MYOF: variants seen among roughly 807,000 people sequenced by gnomAD.
MYOF encodes the protein fer-1-like 3, myoferlin.
MYOF carries 244 observed loss-of-function variants against 284.2 expected under a neutral mutation model. The observed-to-expected ratio is 0.86, with a 90% CI of 0.77 to 0.95. The LOEUF (loss-of-function observed/expected upper bound fraction) is 0.95, where lower values mean the gene tolerates loss of function less well. MYOF is among the 40% of genes least tolerant of loss of function. The pLI, the probability that MYOF is intolerant of heterozygous loss-of-function variation, is 0.00. For missense variants in MYOF, 2,496 were observed against 2,560.6 expected (o/e 0.97, Z 0.54); for synonymous variants, 904 against 919.7 (o/e 0.98, Z 0.31).
At chr10:93,448,351 C>G (rs1372148329) in intron 3 of MYOF, among the ~76,000 whole-genome samples, 4 of 152,152 alleles carry the variant, frequency 2.6e-5, no homozygotes, top group Non-Finnish European at 5.9e-5. Flanking sequence ...CTCCTTTCCC[C>G]CCACCCTTGA....
At chr10:93,391,616 CA>C (rs1372325713) in intron 17 of MYOF, among the ~76,000 whole-genome samples, 1 of 151,348 alleles carries the variant, frequency 6.6e-6, no homozygotes, top group East Asian at 1.9e-4. Flanking sequence ...AAGAAAGAAA[CA>C]AAAAAAGAAA....
intron 26 of MYOF, among the ~76,000 whole-genome samples, 166 bp downstream of exon 26, chr10:93,366,226 T>C (rs1432472321): frequency 1.3e-5 from 2 of 152,236 alleles, no homozygotes; most frequent in African/African-American, 2.4e-5. Context: ...TAGCCTGTCT[T>C]ATGGTGGAAC....
At chr10:93,440,411 G>GA (rs199533042) in intron 3 of MYOF, among the ~76,000 whole-genome samples, 3 of 11,210 alleles carry the variant, frequency 2.7e-4, no homozygotes, top group African/African-American at 3.4e-4. Flanking sequence ...ACTCCGTCTC[G>GA]AAAAAAAAAA....
intron 36 of MYOF, 80 bp from the exon 37 acceptor site, chr10:93,347,862 C>A (rs1844306064): frequency 2.9e-6 from 4 of 1,400,950 alleles, no homozygotes; most frequent in South Asian, 2.7e-5. Flanking sequence ...ATGGACCAGT[C>A]CAGATTCTCT....
At chr10:93,347,218 T>C (rs1377667634) in intron 37 of MYOF, among the ~76,000 whole-genome samples, 1 of 152,152 alleles carries the variant, frequency 6.6e-6, no homozygotes, top group Non-Finnish European at 1.5e-5. Flanking sequence ...AGGACTTACC[T>C]TGAGTAGGTT....
chr10:93,308,539 C>G (rs1323133949), intron 53 of MYOF, among the ~76,000 whole-genome samples: 1 of 136,856 alleles, frequency 7.3e-6, no homozygotes, highest in South Asian at 2.6e-4. Flanking sequence ...GAGCCGAGAT[C>G]GTGCCACTGT....
At chr10:93,461,354 C>T (rs2056877758) in intron 1 of MYOF, among the ~76,000 whole-genome samples, 2 of 152,162 alleles carry the variant, frequency 1.3e-5, no homozygotes, top group Admixed American at 6.5e-5. Flanking sequence ...GTAGGAGACA[C>T]AAAAATACCC....
At chr10:93,418,522 G>A (rs898440952) in intron 5 of MYOF, among the ~76,000 whole-genome samples, 2 of 152,302 alleles carry the variant, frequency 1.3e-5, no homozygotes, top group Non-Finnish European at 2.9e-5. Context: ...AACCTAAGAA[G>A]CAGGGATGCA....
intron 3 of MYOF, among the ~76,000 whole-genome samples, chr10:93,446,018 A>AT (rs955832449): frequency 4.6e-5 from 7 of 152,056 alleles, no homozygotes; most frequent in African/African-American, 1.7e-4. Context: ...TTAAAAAAAA[A>AT]AAGTTTGTTT....
intron 3 of MYOF, among the ~76,000 whole-genome samples, 187 bp downstream of exon 3, chr10:93,451,863 T>C (rs1050179099): frequency 1.3e-5 from 2 of 152,142 alleles, no homozygotes; most frequent in African/African-American, 4.8e-5. Context: ...AAAGCAGTCA[T>C]TGGGAAAAAG....
Position 93,355,664 on chromosome 10 carries a change from C to A in MYOF, c.3367G>T (p.Gly1123Ter), listed in dbSNP as rs748110965. The change falls in exon 31 of 54, where the codon GGA (glycine) becomes TGA (stop). Residue 1123 changes from glycine (G) to a stop codon, truncating the protein, a stop_gained. Transcript: ENST00000359263. LOFTEE classifies it high-confidence loss of function. ...KQKHSATTVF[G>*]ANTPIVSCNF... ...CAGGAAACAATGGGGGTGTTTGCTCCGAACACAGTGGTGGCACTGTGCTTC... is the reference window on the plus strand; with the variant it reads ...CAGGAAACAATGGGGGTGTTTGCTCAGAACACAGTGGTGGCACTGTGCTTC... 1.2e-6 allele frequency: 2 copies of A among 1,612,112 alleles called. No individual in the cohort carries two copies. The highest frequency in any genetic ancestry group is 1.7e-5 in the Admixed American group (1 of 59,994).
chr10:93,408,739 TC>T, intron 7 of MYOF, 47 bp downstream of exon 7: 1 of 1,611,416 alleles, frequency 6.2e-7, no homozygotes, highest in Non-Finnish European at 8.5e-7. Flanking sequence ...CGTGTTTCCC[TC>T]CCCAGTGGGA....
intron 51 of MYOF, 77 bp from the exon 52 acceptor site, chr10:93,310,720 C>A: frequency 7.6e-7 from 1 of 1,315,158 alleles, no homozygotes; most frequent in Non-Finnish European, 1.1e-6. Flanking sequence ...AGGAGTATTC[C>A]CCGAGCAATG....
At chr10:93,373,178 T>C (rs1049166587) in intron 23 of MYOF, 93 bp from the exon 24 acceptor site, 1 of 1,447,326 alleles carries the variant, frequency 6.9e-7, no homozygotes, top group African/African-American at 1.4e-5. Flanking sequence ...CCCTCAGGGA[T>C]TCATTTAGCA....
intron 19 of MYOF, among the ~76,000 whole-genome samples, chr10:93,382,895 AT>A (rs1314733337): frequency 5.3e-5 from 8 of 152,190 alleles, no homozygotes; most frequent in Middle Eastern, 3.4e-3. Flanking sequence ...CAGAAGTGGA[AT>A]TTTTAATTCT....
chr10:93,419,101 T>A (rs1848251376), intron 5 of MYOF, among the ~76,000 whole-genome samples: 1 of 152,160 alleles, frequency 6.6e-6, no homozygotes, highest in Admixed American at 6.5e-5. Context: ...TCAACACACT[T>A]CTGAATGAGC....
chr10:93,341,324 A>G (rs1843899868), intron 38 of MYOF, among the ~76,000 whole-genome samples: 1 of 151,208 alleles, frequency 6.6e-6, no homozygotes, highest in Non-Finnish European at 1.5e-5. Context: ...TGCTCAGGCT[A>G]GAGTGCAATG....
chr10:93,464,195 C>G (rs1251815429), intron 1 of MYOF, among the ~76,000 whole-genome samples: 1 of 152,170 alleles, frequency 6.6e-6, no homozygotes, highest in East Asian at 1.9e-4. Context: ...AACATAGAAA[C>G]CCTGCCTGAG....
At chr10:93,376,504 TAAAC>T (rs72378110) in intron 22 of MYOF, among the ~76,000 whole-genome samples, 16,731 of 152,078 alleles carry the variant, frequency 0.11, 1,761 homozygotes, top group African/African-American at 0.28. Context: ...ATTCAGAACT[TAAAC>T]AAGCACCCCA....
Sources: gnomAD v4.1 joint callset for allele counts (sites outside exome capture counted in the v4.1 genomes callset) on GRCh38, gnomAD v4.1.1 for gene constraint, MANE v1.5 for transcripts, NCBI Gene and HGNC (gene_info 2026-07-23, HGNC 2026-07-21) for gene names.